The following FNBP1 variants were observed in gnomAD, a reference collection of about 807,000 sequenced individuals.
FNBP1 encodes the protein formin-binding protein 1.
Under a neutral mutation model 90.6 loss-of-function variants are expected in FNBP1, and 26 were observed. The observed-to-expected ratio is 0.29, with a 90% CI of 0.21 to 0.40. The LOEUF (loss-of-function observed/expected upper bound fraction) is 0.40. Ranked by LOEUF, FNBP1 falls within the 10% of genes least tolerant of loss-of-function variation. FNBP1 has a pLI of 1.00. For missense variants in FNBP1, 635 were observed against 768.0 expected (o/e 0.83, Z 2.05); for synonymous variants, 260 against 265.2 (o/e 0.98, Z 0.19).
chr9:129,925,212 T>C, intron 8 of FNBP1, 55 bp from the exon 9 acceptor site: 1 of 1,450,812 alleles, frequency 6.9e-7, no homozygotes, highest in Non-Finnish European at 9.6e-7. Context: ...AAACACTTTT[T>C]AAACAATGAA....
chr9:130,023,967 C>G (rs2058098193), intron 1 of FNBP1, among the ~76,000 whole-genome samples: 1 of 152,170 alleles, frequency 6.6e-6, no homozygotes, highest in South Asian at 2.1e-4. Context: ...TGTGAGCTGC[C>G]TTGCCTGATC....
chr9:130,042,535 C>T lies in FNBP1; in HGVS notation c.24+417G>A, dbSNP rs1025761988. ...CTCCGCGGAGCCAGGACAGAACTCG[C>T]GGCCGGGGCGCCCCGAGACCCAACG... On this transcript the variant is annotated intron_variant, in intron 1 of 16. Coordinates refer to ENST00000446176, the MANE Select transcript of FNBP1 (RefSeq NM_015033.3). The surrounding 1 kb of genome is among the most constrained non-coding windows in gnomAD (Gnocchi z 5.5). Among the ~76,000 whole-genome samples, 1 of 151,882 alleles carries T rather than the reference C, an allele frequency of 6.6e-6. No individual in the cohort carries two copies. The highest frequency in any genetic ancestry group is 2.4e-5 in the African/African-American group (1 of 41,404).
rs755482250 is a variant in FNBP1 at position 129,900,387 on chromosome 9, G to A, written c.1550+39C>T. On this transcript the variant is annotated intron_variant, in intron 14 of 16. Transcript: ENST00000446176. The surrounding 1 kb of genome is among the most constrained non-coding windows in gnomAD (Gnocchi z 4.1). ...TTAGAAATAAATACAAAGCCAACAG[G>A]CTCCCTTGCCAGAGGCAGGCGCTGT... 1 of 1,485,574 alleles carries A rather than the reference G, an allele frequency of 6.7e-7. No homozygotes were observed. Among genetic ancestry groups the A allele is most frequent in the Admixed American group, 2.5e-5 (1 of 39,396 alleles). 92.0% of individuals were successfully genotyped at this position (1,485,574 alleles called of 1,614,324 possible). A position where few individuals can be genotyped will look rare whatever the true frequency, so the allele number is the denominator to read the frequency against.
rs921483806 is a variant in FNBP1 at position 129,887,439 on chromosome 9, T to G, written c.*3100A>C. 5 of 200,382 alleles carry G rather than the reference T, an allele frequency of 2.5e-5. No individual in the cohort carries two copies. The highest frequency in any genetic ancestry group is 5.1e-5 in the Non-Finnish European group (5 of 97,146). The allele number at this position is 200,382 out of a possible 1,614,324, so 12.4% of individuals were successfully genotyped here. On this transcript the variant is annotated 3_prime_UTR_variant, in exon 17 of 17. Coordinates refer to ENST00000446176, the MANE Select transcript of FNBP1 (RefSeq NM_015033.3). ...AGAATTCTGGACCTTTTTAAAAAGT[T>G]TTTGGATGATATAAGCACAGGAGGC...
rs575716683 is a variant in FNBP1, at chr9:129,888,041, A to G, written c.*2498T>C. On this transcript the variant is annotated 3_prime_UTR_variant, in exon 17 of 17. Coordinates refer to ENST00000446176, the MANE Select transcript of FNBP1 (RefSeq NM_015033.3). Reference sequence around the variant, plus strand: ...GCAGACTGGCCCGGAAGCAACACCCAGGTTCAACATTTAAGAGCACTCGCT... The same window carrying G: ...GCAGACTGGCCCGGAAGCAACACCCGGGTTCAACATTTAAGAGCACTCGCT... 1 of 232,846 alleles carries G rather than the reference A, an allele frequency of 4.3e-6. No homozygotes were observed. The highest frequency in any genetic ancestry group is 1.8e-4 in the South Asian group (1 of 5,536). The allele number at this position is 232,846 out of a possible 1,614,324, so 14.4% of individuals were successfully genotyped here. A position where few individuals can be genotyped will look rare whatever the true frequency, so the allele number is the denominator to read the frequency against.
At chr9:129,969,300 A>G (rs1377582907) in intron 4 of FNBP1, among the ~76,000 whole-genome samples, 2 of 152,230 alleles carry the variant, frequency 1.3e-5, no homozygotes, top group Non-Finnish European at 2.9e-5. Context: ...GAGTTTTATC[A>G]AGAACCATAA....
At chr9:130,035,097 C>T (rs767765366) in intron 1 of FNBP1, among the ~76,000 whole-genome samples, 1 of 152,088 alleles carries the variant, frequency 6.6e-6, no homozygotes, top group Non-Finnish European at 1.5e-5. Flanking sequence ...TGCAGTGAGT[C>T]GAGATCGTGC....
At chr9:130,036,481 T>C (rs1271705380) in intron 1 of FNBP1, among the ~76,000 whole-genome samples, 1 of 152,244 alleles carries the variant, frequency 6.6e-6, no homozygotes, top group Admixed American at 6.5e-5. Flanking sequence ...GGATTCTGTC[T>C]AATGTACAAA....
chr9:130,026,849 C>T (rs925509026), intron 1 of FNBP1, among the ~76,000 whole-genome samples: 3 of 151,622 alleles, frequency 2.0e-5, no homozygotes, highest in African/African-American at 7.3e-5. Context: ...CCTGTTAGTC[C>T]TAGCTACTTG....
chr9:129,890,668 G>A lies in FNBP1; in HGVS notation c.1847-122C>T. 1.4e-6 allele frequency: 1 copy of A among 691,062 alleles called. No individual in the cohort carries two copies. The highest frequency in any genetic ancestry group is 2.6e-6 in the Non-Finnish European group (1 of 378,022). 42.8% of individuals were successfully genotyped at this position (691,062 alleles called of 1,614,324 possible). A position where few individuals can be genotyped will look rare whatever the true frequency, so the allele number is the denominator to read the frequency against. ...CCCTGGGAGGGGAGGGTAGTGGGAG[G>A]GGAGGGATGGGAGGGGGCGTCTTAG... On this transcript the variant is annotated intron_variant, in intron 16 of 16. Transcript: ENST00000446176. The surrounding 1 kb of genome is among the most constrained non-coding windows in gnomAD (Gnocchi z 5.8).
chr9:130,023,778 T>C (rs1175198838), intron 1 of FNBP1, among the ~76,000 whole-genome samples: 1 of 152,098 alleles, frequency 6.6e-6, no homozygotes, highest in African/African-American at 2.4e-5. Flanking sequence ...TCGTGAGCAT[T>C]TGGCATCTTA....
At chr9:130,006,272 G>A (rs778901229) in intron 1 of FNBP1, among the ~76,000 whole-genome samples, 4 of 151,962 alleles carry the variant, frequency 2.6e-5, no homozygotes, top group Admixed American at 6.6e-5. Flanking sequence ...GTGAAACCCC[G>A]TCTCTACTAA....
At chr9:130,018,368 G>A (rs1453064396) in intron 1 of FNBP1, among the ~76,000 whole-genome samples, 4 of 151,810 alleles carry the variant, frequency 2.6e-5, no homozygotes, top group African/African-American at 7.3e-5. Flanking sequence ...TCCATTTACC[G>A]ATGAGGAAAC....
chr9:130,019,149 T>A (rs2057559446), intron 1 of FNBP1, among the ~76,000 whole-genome samples: 1 of 151,668 alleles, frequency 6.6e-6, no homozygotes. Flanking sequence ...ATCGCTTGAG[T>A]CTGGGAGGCA....
At chr9:130,037,001 C>T (rs1379870018) in intron 1 of FNBP1, among the ~76,000 whole-genome samples, 2 of 148,920 alleles carry the variant, frequency 1.3e-5, no homozygotes, top group Non-Finnish European at 3.0e-5. Context: ...GCCGAAATCA[C>T]GCCACTGCAC....
At chr9:129,979,522 T>C in intron 2 of FNBP1, 148 bp from the exon 3 acceptor site, 3 of 608,214 alleles carry the variant, frequency 4.9e-6, no homozygotes, top group East Asian at 2.7e-5. Context: ...TCTTTCAACA[T>C]GTGTGATGAA....
intron 10 of FNBP1, among the ~76,000 whole-genome samples, chr9:129,917,095 CT>C (rs2040379486): frequency 1.3e-5 from 2 of 152,238 alleles, no homozygotes; most frequent in Admixed American, 1.3e-4. Flanking sequence ...TCACTGCCAC[CT>C]CCGCCTCCCA....
intron 4 of FNBP1, among the ~76,000 whole-genome samples, chr9:129,971,142 C>T (rs531045337): frequency 6.6e-6 from 1 of 152,040 alleles, no homozygotes; most frequent in South Asian, 2.1e-4. Context: ...ATGCCCACCT[C>T]CGCCTCCCAA....
intron 6 of FNBP1, among the ~76,000 whole-genome samples, chr9:129,953,669 TG>T (rs1262814040): frequency 6.6e-6 from 1 of 151,914 alleles, no homozygotes; most frequent in Admixed American, 6.6e-5. Flanking sequence ...CCAAAATATG[TG>T]GGATACAGAG....
Sources: gnomAD v4.1 joint callset for allele counts (sites outside exome capture counted in the v4.1 genomes callset) on GRCh38, gnomAD v4.1.1 for gene constraint, Gnocchi (gnomAD v3.1) non-coding constraint, MANE v1.5 for transcripts, NCBI Gene and HGNC (gene_info 2026-07-23, HGNC 2026-07-21) for gene names.